RBM26: variants seen among roughly 807,000 people sequenced by gnomAD.
RBM26 encodes the protein RNA binding motif protein 26, also known as RNA-binding protein 26.
Under a neutral mutation model 123.6 loss-of-function variants are expected in RBM26, and 30 were observed. The observed-to-expected ratio is 0.24, with a 90% CI of 0.18 to 0.33. The LOEUF is 0.33. RBM26 is among the 10% of genes least tolerant of loss of function. RBM26 has a pLI of 1.00. For missense variants in RBM26, 947 were observed against 1,203.6 expected (o/e 0.79, Z 3.15); for synonymous variants, 400 against 404.4 (o/e 0.99, Z 0.13).
In RBM26 at chr13:79,320,648, GTCC is replaced by G. The variant is rs761180559; in HGVS notation, c.2994_2996del (p.Glu998del). ...ATCTTCTCCAAGAACGAGATTCATT[GTCC>G]TCTTCTTCTTCATCATCATCTTGAA... On this transcript the variant is annotated inframe_deletion, in exon 22 of 22. Coordinates refer to ENST00000438737, the MANE Select transcript of RBM26 (RefSeq NM_001366735.2). 2 of 1,597,572 alleles carry G rather than the reference GTCC, an allele frequency of 1.3e-6. No individual in the cohort carries two copies. The highest frequency in any genetic ancestry group is 1.7e-6 in the Non-Finnish European group (2 of 1,173,170).
intron 12 of RBM26, 103 bp from the exon 13 acceptor site, chr13:79,354,673 A>T: frequency 9.3e-7 from 1 of 1,071,240 alleles, no homozygotes; most frequent in East Asian, 2.8e-5. Context: ...GAAAGTTTTT[A>T]AAATGCAGCT....
downstream of RBM26, among the ~76,000 whole-genome samples, chr13:79,316,989 T>TA (rs1566267403): frequency 1.5e-4 from 22 of 151,194 alleles, no homozygotes; most frequent in East Asian, 7.8e-4. Flanking sequence ...TGTTTTTTTT[T>TA]TAAAAAAGAG....
intron 1 of RBM26, among the ~76,000 whole-genome samples, chr13:79,385,565 T>G (rs191797306): frequency 6.6e-6 from 1 of 152,338 alleles, no homozygotes; most frequent in East Asian, 1.9e-4. Context: ...CTCAAACTTT[T>G]TGGTATCAGG....
intron 20 of RBM26, among the ~76,000 whole-genome samples, chr13:79,328,192 G>C (rs1424569006): frequency 6.6e-6 from 1 of 152,086 alleles, no homozygotes; most frequent in Non-Finnish European, 1.5e-5. Context: ...GATTCTGAAA[G>C]TGAGTAATAA....
chr13:79,386,872 T>C (rs1352151718), intron 1 of RBM26, among the ~76,000 whole-genome samples: 3 of 152,164 alleles, frequency 2.0e-5, no homozygotes, highest in Admixed American at 2.0e-4. Flanking sequence ...CCAAAAGAAA[T>C]AGCACTAAAA....
At chr13:79,350,638 G>C (rs550934935) in intron 14 of RBM26, among the ~76,000 whole-genome samples, 4 of 152,216 alleles carry the variant, frequency 2.6e-5, no homozygotes, top group African/African-American at 7.2e-5. Context: ...TGTTGATAGG[G>C]AAGGTATAAA....
rs886863076 is a variant in RBM26, at chr13:79,392,621, T to A, written c.71+13083A>T. On this transcript the variant is annotated intron_variant, in intron 1 of 21. Coordinates refer to ENST00000438737, the MANE Select transcript of RBM26 (RefSeq NM_001366735.2). Reference sequence around the variant, plus strand: ...TATATATAAATAAACATAGGAAAAATTTTTCAACCTAACTTTTATAAAACA... The same window carrying A: ...TATATATAAATAAACATAGGAAAAAATTTTCAACCTAACTTTTATAAAACA... Among the ~76,000 whole-genome samples the A allele has an allele frequency of 4.7e-5, 7 of 147,456 alleles. No individual in the cohort carries two copies. In the Admixed American group the frequency reaches 4.8e-4, roughly 10 times the overall value.
At chr13:79,360,460 T>C (rs182797964) in intron 9 of RBM26, among the ~76,000 whole-genome samples, 17 of 152,132 alleles carry the variant, frequency 1.1e-4, no homozygotes, top group South Asian at 2.1e-4. Context: ...ACCCAAGTCA[T>C]TGTTCCCATC....
intron 1 of RBM26, among the ~76,000 whole-genome samples, chr13:79,402,714 T>C (rs895895058): frequency 2.0e-5 from 3 of 152,146 alleles, no homozygotes; most frequent in African/African-American, 7.2e-5. Context: ...TCCAATCCCA[T>C]CCTTTTGCCC....
rs552767976 is a variant in RBM26 at position 79,382,425 on chromosome 13, T to C, written c.72-3518A>G. The stretch of plus-strand genomic sequence containing the variant: ...AAAAAGCAGACCTGAAATTGCCTTA[T>C]AGATCGGGGAAAAAAAGAATCAAGT... On this transcript the variant is annotated intron_variant, in intron 1 of 21. Transcript: ENST00000438737. Among the ~76,000 whole-genome samples the C allele has an allele frequency of 5.3e-5, 8 of 152,196 alleles. No individual in the cohort carries two copies. The East Asian group carries it at 7.7e-4, about 15-fold the overall frequency.
intron 2 of RBM26, among the ~76,000 whole-genome samples, chr13:79,378,324 T>C (rs1566532469): frequency 1.3e-5 from 2 of 152,254 alleles, no homozygotes; most frequent in Non-Finnish European, 2.9e-5. Context: ...AGAGGTGGCA[T>C]CCATTTTAAA....
In RBM26 at chr13:79,374,152, A is replaced by G. The variant is rs552246145; in HGVS notation, c.328-2222T>C. On this transcript the variant is annotated intron_variant, in intron 3 of 21. Coordinates refer to ENST00000438737, the MANE Select transcript of RBM26 (RefSeq NM_001366735.2). ...TGCCAGCTGTTCCAGCATCCTTTTG[A>G]TAAGGGCTTCTGACTGTCAGAATGT... 2.6e-5 allele frequency among the ~76,000 whole-genome samples: 4 copies of G among 152,044 alleles called. No homozygotes were observed. In the South Asian group the frequency reaches 8.3e-4, roughly 32 times the overall value.
rs1452495338 is a variant in RBM26 at position 79,366,212 on chromosome 13, A to AT, written c.1136-18dup. The stretch of plus-strand genomic sequence containing the variant: ...GTGGTGGTCCTGTCAAAACCAAAGA[A>AT]TAAGAAATATCATCTGAAAGCAAAC... On this transcript the variant is annotated splice_polypyrimidine_tract_variant and intron_variant, in intron 7 of 21. Coordinates refer to ENST00000438737, the MANE Select transcript of RBM26 (RefSeq NM_001366735.2). The AT allele has an allele frequency of 1.2e-6, 2 of 1,604,254 alleles. No individual in the cohort carries two copies. The highest frequency in any genetic ancestry group is 3.5e-5 in the Admixed American group (2 of 57,484).
chr13:79,378,406 CCTTT>C (rs1268772179), intron 2 of RBM26, among the ~76,000 whole-genome samples: 1 of 151,964 alleles, frequency 6.6e-6, no homozygotes, highest in Non-Finnish European at 1.5e-5. Context: ...TTACCGAGTT[CCTTT>C]AATATTCTGT....
intron 20 of RBM26, among the ~76,000 whole-genome samples, chr13:79,327,843 G>A (rs73562525): frequency 0.023 from 3,490 of 152,068 alleles, 132 homozygotes; most frequent in African/African-American, 0.08. Context: ...CACTATTTGG[G>A]TAATGGGTAT....
intron 14 of RBM26, among the ~76,000 whole-genome samples, chr13:79,349,086 T>C (rs1257260437): frequency 6.6e-6 from 1 of 152,204 alleles, no homozygotes; most frequent in African/African-American, 2.4e-5. Context: ...CAAGTCACCG[T>C]AAGTTGATGA....
intron 14 of RBM26, among the ~76,000 whole-genome samples, chr13:79,352,479 T>G (rs1407687268): frequency 6.9e-6 from 1 of 145,428 alleles, no homozygotes; most frequent in East Asian, 2.0e-4. Flanking sequence ...AAAAAAAAAA[T>G]AACATCTACA....
intron 1 of RBM26, among the ~76,000 whole-genome samples, 200 bp from the exon 2 acceptor site, chr13:79,379,107 TA>T (rs1356794641): frequency 3.9e-5 from 6 of 152,132 alleles, no homozygotes; most frequent in Non-Finnish European, 5.9e-5. Context: ...TTTTATTTCT[TA>T]AAAACATACC....
At position 79,358,182 on chromosome 13, in the gene RBM26, C is replaced by G. The variant is rs1270639360; in HGVS notation, c.1689+92G>C. The G allele has an allele frequency of 4.3e-6, 5 of 1,154,100 alleles. No individual in the cohort carries two copies. The African/African-American group carries it at 6.5e-5, about 15-fold the overall frequency. 71.5% of individuals were successfully genotyped at this position (1,154,100 alleles called of 1,614,324 possible). A position where few individuals can be genotyped will look rare whatever the true frequency, so the allele number is the denominator to read the frequency against. ...ACAGGCGTGAACCACCATGCCCAGCCTTAAAATATTTATTTATAAAGGTAG... is the reference window on the plus strand; with the variant it reads ...ACAGGCGTGAACCACCATGCCCAGCGTTAAAATATTTATTTATAAAGGTAG... On this transcript the variant is annotated intron_variant, in intron 11 of 21. Coordinates refer to ENST00000438737, the MANE Select transcript of RBM26 (RefSeq NM_001366735.2).
Sources: gnomAD v4.1 joint callset for allele counts (sites outside exome capture counted in the v4.1 genomes callset) on GRCh38, gnomAD v4.1.1 for gene constraint, MANE v1.5 for transcripts, NCBI Gene and HGNC (gene_info 2026-07-23, HGNC 2026-07-21) for gene names.